Variants in ERP29 observed in about 807,000 individuals in gnomAD.
The protein encoded by ERP29 is endoplasmic reticulum resident protein 29.
Under a neutral mutation model 21.7 loss-of-function variants are expected in ERP29, and 14 were observed. The ratio of observed to expected loss-of-function variants is 0.64; its 90% CI spans 0.43 to 1.01. The LOEUF is 1.01. Among genes scored for constraint, ERP29 ranks in the 50% least tolerant of loss-of-function variants. ERP29 has a pLI of 0.00. For missense variants in ERP29, 286 were observed against 327.3 expected (o/e 0.87, Z 0.97); for synonymous variants, 129 against 139.1 (o/e 0.93, Z 0.51).
chr12:112,020,128 C>A (rs577609019), intron 2 of ERP29, among the ~76,000 whole-genome samples: 1 of 152,232 alleles, frequency 6.6e-6, no homozygotes, highest in Admixed American at 6.5e-5. Flanking sequence ...GGGAAGGGAA[C>A]CCCTCTTCCT....
chr12:112,021,515 C>CTTTTTTTTTTTTTTTTTTT lies in ERP29; in HGVS notation c.284-627_284-609dup, dbSNP rs1164185865. Among the ~76,000 whole-genome samples, 2 of 70,044 alleles carry CTTTTTTTTTTTTTTTTTTT rather than the reference C, an allele frequency of 2.9e-5. 1 individual carries two copies. The highest frequency in any genetic ancestry group is 3.1e-4 in the Admixed American group (2 of 6,356). 46.0% of individuals were successfully genotyped at this position (70,044 alleles called of 152,430 possible). A position where few individuals can be genotyped will look rare whatever the true frequency, so the allele number is the denominator to read the frequency against. ...CTTAGAAGAATATGAGCTTAATAGT[C>CTTTTTTTTTTTTTTTTTTT]TTTTTTTTTTTTTTTTTTTTTTTTT... is the stretch of plus-strand genomic sequence containing the variant. On this transcript the variant is annotated intron_variant, in intron 2 of 2. Transcript: ENST00000261735.
At chr12:112,019,659 G>C in intron 1 of ERP29, 97 bp from the exon 2 acceptor site, 2 of 1,414,482 alleles carry the variant, frequency 1.4e-6, no homozygotes, top group Non-Finnish European at 2.0e-6. Context: ...TTGTGGGCTT[G>C]TTTCCACTCT....
In ERP29 at chr12:112,020,167, CTG is replaced by C. The variant is rs555692799; in HGVS notation, c.283+276_283+277del. Among the ~76,000 whole-genome samples, 7 of 152,240 alleles carry C rather than the reference CTG, an allele frequency of 4.6e-5. No homozygotes were observed. The East Asian group carries it at 1.4e-3, about 29-fold the overall frequency. On this transcript the variant is annotated intron_variant, in intron 2 of 2. Transcript: ENST00000261735. ...CATTCCACCCCTCTCTGACATTAAA[CTG>C]TGAGAACTTTGAGCTCTCCTTGCAG... is the stretch of plus-strand genomic sequence containing the variant.
At position 112,013,520 on chromosome 12, in the gene ERP29, C is replaced by T. The variant is rs758623590; in HGVS notation, c.55C>T (p.Leu19=). 17 of 1,612,812 alleles carry T rather than the reference C, an allele frequency of 1.1e-5. No homozygotes were observed. The highest frequency in any genetic ancestry group is 1.4e-5 in the Non-Finnish European group (17 of 1,179,532). ...TCTCTCCCCGCTGCTTCCCCTTCTC[C>T]TGGGCTTCCTGCTCCTCTCCGCTCC... ...AFLSPLLPLL[L]GFLLLSAPHG... The change falls in exon 1 of 3, where the codon CTG becomes TTG. Residue 19 remains leucine (L), a synonymous_variant. Transcript: ENST00000261735.
At position 112,022,205 on chromosome 12, in the gene ERP29, G is replaced by C. The variant is rs769016601; in HGVS notation, c.339G>C (p.Glu113Asp). 1.2e-6 allele frequency: 2 copies of C among 1,614,172 alleles called. No individual in the cohort carries two copies. Among genetic ancestry groups the C allele is most frequent in the Non-Finnish European group, 1.7e-6 (2 of 1,180,008 alleles). The part of the protein sequence containing the change: ...ELSEKYKLDK[E>D]SYPVFYLFRD... Reference sequence around the variant, plus strand: ...GTGAGAAATACAAGCTGGACAAAGAGAGCTACCCAGTCTTCTACCTCTTCC... The same window carrying C: ...GTGAGAAATACAAGCTGGACAAAGACAGCTACCCAGTCTTCTACCTCTTCC... Residue 113 changes from glutamate to aspartate, a missense_variant, in exon 3 of 3, where the codon GAG becomes GAC. Glu to Asp is a conservative substitution (Grantham distance 45). Coordinates refer to ENST00000261735, the MANE Select transcript of ERP29 (RefSeq NM_006817.4).
At chr12:112,019,454 C>T (rs562776926) in intron 1 of ERP29, 22 of 412,358 alleles carry the variant, frequency 5.3e-5, no homozygotes, top group African/African-American at 1.4e-4. Context: ...TCTCCTTCAC[C>T]TAACTGAAAG....
rs1217376040 is a variant in ERP29, at chr12:112,023,108, C to T, written c.*456C>T. 6.4e-6 allele frequency: 1 copy of T among 155,204 alleles called. No individual in the cohort carries two copies. Among genetic ancestry groups the T allele is most frequent in the East Asian group, 1.9e-4 (1 of 5,264 alleles). The allele number at this position is 155,204 out of a possible 1,614,324, so 9.6% of individuals were successfully genotyped here. A position where few individuals can be genotyped will look rare whatever the true frequency, so the allele number is the denominator to read the frequency against. On this transcript the variant is annotated 3_prime_UTR_variant, in exon 3 of 3. Transcript: ENST00000261735. ...AGGGTAACAAACTATCCTCATAACA[C>T]TGTGGAAACTGGCATACCTTTGTTA... is the stretch of plus-strand genomic sequence containing the variant.
rs1253792862 is a variant in ERP29 at position 112,021,515 on chromosome 12, C to CTCT, written c.284-634_284-633insCTT. ...CTTAGAAGAATATGAGCTTAATAGT[C>CTCT]TTTTTTTTTTTTTTTTTTTTTTTTT... On this transcript the variant is annotated intron_variant, in intron 2 of 2. Coordinates refer to ENST00000261735, the MANE Select transcript of ERP29 (RefSeq NM_006817.4). 2.8e-3 allele frequency among the ~76,000 whole-genome samples: 198 copies of CTCT among 70,044 alleles called. 1 individual carries two copies. The highest frequency in any genetic ancestry group is 0.014 in the African/African-American group (191 of 13,584). The allele number at this position is 70,044 out of a possible 152,430, so 46.0% of individuals were successfully genotyped here.
At chr12:112,013,642 C>A in intron 1 of ERP29, 33 bp downstream of exon 1, 1 of 1,507,530 alleles carries the variant, frequency 6.6e-7, no homozygotes, top group Non-Finnish European at 8.9e-7. Context: ...CGCGCAGGTG[C>A]CGCCGGGGCG....
intron 1 of ERP29, chr12:112,014,532 G>A (rs1230355710): frequency 1.3e-5 from 2 of 152,192 alleles, no homozygotes; most frequent in Admixed American, 6.5e-5. Context: ...AGTAAAATTG[G>A]GTCAAGGCAT....
At chr12:112,017,773 CT>C (rs1277916971) in intron 1 of ERP29, among the ~76,000 whole-genome samples, 6 of 131,914 alleles carry the variant, frequency 4.5e-5, no homozygotes, top group African/African-American at 9.6e-5. Flanking sequence ...AACATTGTAT[CT>C]TTTTTTTTCT....
At chr12:112,021,138 G>A (rs576226461) in intron 2 of ERP29, among the ~76,000 whole-genome samples, 1 of 152,248 alleles carries the variant, frequency 6.6e-6, no homozygotes, top group East Asian at 1.9e-4. Context: ...TCCCTCATCC[G>A]GTCCTCCCAA....
At chr12:112,013,645 C>G in intron 1 of ERP29, 36 bp downstream of exon 1, 1 of 1,501,968 alleles carries the variant, frequency 6.7e-7, no homozygotes, top group Non-Finnish European at 8.9e-7. Flanking sequence ...GCAGGTGCCG[C>G]CGGGGCGCCC....
At chr12:112,016,757 G>C (rs2078015018) in intron 1 of ERP29, among the ~76,000 whole-genome samples, 1 of 152,158 alleles carries the variant, frequency 6.6e-6, no homozygotes, top group Non-Finnish European at 1.5e-5. Context: ...CGGACGTGGT[G>C]GCGGGCACCT....
Position 112,023,385 on chromosome 12 carries a change from T to C in ERP29, c.*733T>C, listed in dbSNP as rs910549657. 5 of 152,266 alleles carry C rather than the reference T, an allele frequency of 3.3e-5. No individual in the cohort carries two copies. The highest frequency in any genetic ancestry group is 1.2e-4 in the African/African-American group (5 of 41,472). The allele number at this position is 152,266 out of a possible 1,614,324, so 9.4% of individuals were successfully genotyped here. ...TCAAAATTAAAAAATATTTTCCATC[T>C]AAATCACTATCACTAAATAAATACT... On this transcript the variant is annotated 3_prime_UTR_variant, in exon 3 of 3. Coordinates refer to ENST00000261735, the MANE Select transcript of ERP29 (RefSeq NM_006817.4).
chr12:112,019,422 G>A (rs2078031306), intron 1 of ERP29: 5 of 360,894 alleles, frequency 1.4e-5, no homozygotes, highest in South Asian at 2.4e-5. Context: ...GCATGACAGG[G>A]GCTGATGTAG....
Position 112,022,811 on chromosome 12 carries a change from G to T in ERP29, c.*159G>T. ...TATGCCTGGACATTGATGCTAACATGACCATGCTTGGGATGTCTCTAGCTG... is the reference window on the plus strand; with the variant it reads ...TATGCCTGGACATTGATGCTAACATTACCATGCTTGGGATGTCTCTAGCTG... On this transcript the variant is annotated 3_prime_UTR_variant, in exon 3 of 3. Transcript: ENST00000261735. 1.4e-6 allele frequency: 1 copy of T among 715,490 alleles called. No homozygotes were observed. Among genetic ancestry groups the T allele is most frequent in the Non-Finnish European group, 2.3e-6 (1 of 441,510 alleles). 44.3% of individuals were successfully genotyped at this position (715,490 alleles called of 1,614,324 possible).
In ERP29 at chr12:112,019,303, A is replaced by G. The variant is rs58284069; in HGVS notation, c.145-453A>G. The G allele has an allele frequency of 3.3e-3, 788 of 236,946 alleles. 6 individuals carry two copies. The highest frequency in any genetic ancestry group is 0.017 in the African/African-American group (739 of 44,018). The allele number at this position is 236,946 out of a possible 1,614,324, so 14.7% of individuals were successfully genotyped here. ...AATTGCTGGGTTCAAACTCTGGCCTATCTAGCCAAAGCGTCCTCCATGATG... is the reference window on the plus strand; with the variant it reads ...AATTGCTGGGTTCAAACTCTGGCCTGTCTAGCCAAAGCGTCCTCCATGATG... On this transcript the variant is annotated intron_variant, in intron 1 of 2. Transcript: ENST00000261735.
chr12:112,019,315 C>T (rs1224735511), intron 1 of ERP29: 3 of 246,162 alleles, frequency 1.2e-5, no homozygotes, highest in East Asian at 1.1e-4. Context: ...CTAGCCAAAG[C>T]GTCCTCCATG....
Sources: allele counts gnomAD v4.1 joint callset (sites outside exome capture counted in the v4.1 genomes callset), GRCh38; gene constraint gnomAD v4.1.1; transcripts MANE v1.5; gene names NCBI Gene and HGNC (gene_info 2026-07-23, HGNC 2026-07-21).